Variants in HCN1 observed in about 807,000 individuals in gnomAD.
HCN1 encodes the protein hyperpolarization activated cyclic nucleotide gated potassium channel 1.
A neutral mutation model predicts 78.9 loss-of-function variants in HCN1; 13 were observed. That is an observed-to-expected ratio of 0.16 (90% CI 0.11 to 0.26). The LOEUF is 0.26. HCN1 is among the 10% of genes least tolerant of loss of function. The pLI, the probability that HCN1 is intolerant of heterozygous loss-of-function variation, is 1.00. For missense variants in HCN1, 810 were observed against 1,154.3 expected (o/e 0.70, Z 4.32); for synonymous variants, 552 against 455.5 (o/e 1.21, Z -2.70).
chr5:45,606,958 T>A (rs1345505801), intron 2 of HCN1, among the ~76,000 whole-genome samples: 1 of 151,662 alleles, frequency 6.6e-6, no homozygotes, highest in African/African-American at 2.4e-5. Context: ...TATGAGAAAT[T>A]AATAAACTAA....
intron 2 of HCN1, among the ~76,000 whole-genome samples, chr5:45,631,455 AG>A (rs1580008112): frequency 6.6e-6 from 1 of 152,174 alleles, no homozygotes; most frequent in Non-Finnish European, 1.5e-5. Flanking sequence ...GATGACAAGA[AG>A]CAGGACCGCT....
intron 5 of HCN1, among the ~76,000 whole-genome samples, chr5:45,318,906 G>A (rs1488638384): frequency 6.6e-6 from 1 of 151,946 alleles, no homozygotes; most frequent in East Asian, 1.9e-4. Flanking sequence ...CTACAGAGCA[G>A]GTCTTCTTGT....
At chr5:45,455,767 A>G (rs1299910437) in intron 3 of HCN1, among the ~76,000 whole-genome samples, 5 of 150,758 alleles carry the variant, frequency 3.3e-5, no homozygotes, top group Non-Finnish European at 4.5e-5. Flanking sequence ...ACTCAAAAAA[A>G]AAAAAAAAAA....
rs149627144 is a variant in HCN1 at position 45,535,603 on chromosome 5, A to G, written c.850-73596T>C. On this transcript the variant is annotated intron_variant, in intron 2 of 7. Coordinates refer to ENST00000303230, the MANE Select transcript of HCN1 (RefSeq NM_021072.4). ...ACAGAGCCAGACACCATTTCAAAAA[A>G]AACACAGAATGAAAGGAACAAAAAA... Among the ~76,000 whole-genome samples, 24 of 152,202 alleles carry G rather than the reference A, an allele frequency of 1.6e-4. No homozygotes were observed. The East Asian group carries it at 3.5e-3, about 22-fold the overall frequency.
At position 45,523,183 on chromosome 5, in the gene HCN1, T is replaced by C. The variant is rs189703916; in HGVS notation, c.850-61176A>G. Among the ~76,000 whole-genome samples, 95 of 152,326 alleles carry C rather than the reference T, an allele frequency of 6.2e-4. 1 individual carries two copies. The East Asian group carries it at 0.017, about 28-fold the overall frequency. ...TTCATCCATGTTCCTACAAAGGACA[T>C]GAACTCATCATTTCTTATGGCTGCG... On this transcript the variant is annotated intron_variant, in intron 2 of 7. Transcript: ENST00000303230.
intron 2 of HCN1, among the ~76,000 whole-genome samples, chr5:45,515,513 T>C (rs1166127225): frequency 1.3e-5 from 2 of 152,056 alleles, no homozygotes; most frequent in Non-Finnish European, 2.9e-5. Context: ...TTTTATTCTA[T>C]GCAAACCACT....
intron 2 of HCN1, among the ~76,000 whole-genome samples, chr5:45,464,868 C>T (rs1741236225): frequency 6.6e-6 from 1 of 152,098 alleles, no homozygotes; most frequent in Non-Finnish European, 1.5e-5. Context: ...GCTCACACAT[C>T]TGTAGATAGT....
intron 5 of HCN1, among the ~76,000 whole-genome samples, chr5:45,332,346 A>T (rs1746361966): frequency 6.6e-6 from 1 of 150,966 alleles, no homozygotes; most frequent in Non-Finnish European, 1.5e-5. Flanking sequence ...ATCCAATTAT[A>T]CTCTTTTAGT....
At chr5:45,362,544 G>A (rs976401520) in intron 4 of HCN1, among the ~76,000 whole-genome samples, 10 of 151,956 alleles carry the variant, frequency 6.6e-5, no homozygotes, top group Non-Finnish European at 1.0e-4. Flanking sequence ...TGAATGTCCA[G>A]TTACAATAAT....
chr5:45,654,583 A>T (rs1237589720), intron 1 of HCN1, among the ~76,000 whole-genome samples: 4 of 152,160 alleles, frequency 2.6e-5, no homozygotes, highest in African/African-American at 9.6e-5. Context: ...CAATTCAGTA[A>T]ACTGAGGTCT....
intron 2 of HCN1, among the ~76,000 whole-genome samples, chr5:45,570,030 A>G (rs1743792999): frequency 6.6e-6 from 1 of 152,130 alleles, no homozygotes; most frequent in African/African-American, 2.4e-5. Flanking sequence ...ATTTGTAGGT[A>G]TTTGCCAGAT....
intron 4 of HCN1, among the ~76,000 whole-genome samples, chr5:45,366,252 A>G (rs1371284932): frequency 6.6e-6 from 1 of 151,486 alleles, no homozygotes; most frequent in Non-Finnish European, 1.5e-5. Flanking sequence ...TCAATAAAAA[A>G]AGGAAATTTA....
intron 1 of HCN1, among the ~76,000 whole-genome samples, chr5:45,668,716 A>G (rs904775875): frequency 6.6e-6 from 1 of 151,926 alleles, no homozygotes; most frequent in Non-Finnish European, 1.5e-5. Flanking sequence ...ATGTTAGGAG[A>G]TAAGCAAGTG....
intron 1 of HCN1, among the ~76,000 whole-genome samples, chr5:45,659,093 G>A (rs1478224306): frequency 5.9e-5 from 9 of 152,096 alleles, no homozygotes; most frequent in Non-Finnish European, 1.0e-4. Context: ...CTCCCAGCAC[G>A]CAGCTAGAGA....
chr5:45,516,395 A>G (rs1742516862), intron 2 of HCN1, among the ~76,000 whole-genome samples: 1 of 152,000 alleles, frequency 6.6e-6, no homozygotes, highest in African/African-American at 2.4e-5. Context: ...TATTTTAAAA[A>G]GCTAACTTTT....
intron 4 of HCN1, among the ~76,000 whole-genome samples, chr5:45,374,132 A>G (rs1273716954): frequency 8.6e-6 from 1 of 116,588 alleles, no homozygotes; most frequent in Non-Finnish European, 1.7e-5. Context: ...TATAATATAT[A>G]TTATATACAT....
At chr5:45,309,456 G>A (rs869212032) in intron 5 of HCN1, among the ~76,000 whole-genome samples, 1 of 152,056 alleles carries the variant, frequency 6.6e-6, no homozygotes, top group African/African-American at 2.4e-5. Flanking sequence ...GTTTTAAAAG[G>A]GAATACTTCA....
intron 2 of HCN1, among the ~76,000 whole-genome samples, chr5:45,507,339 A>G (rs890049502): frequency 6.6e-6 from 1 of 152,132 alleles, no homozygotes; most frequent in Non-Finnish European, 1.5e-5. Flanking sequence ...CACAGTTTCC[A>G]TGCAATGCTG....
intron 1 of HCN1, among the ~76,000 whole-genome samples, chr5:45,690,780 A>C (rs1044777130): frequency 3.3e-5 from 5 of 152,080 alleles, no homozygotes; most frequent in Admixed American, 2.0e-4. Flanking sequence ...AAAATGATAA[A>C]ATGAAAATTT....
Sources: allele counts gnomAD v4.1 joint callset (sites outside exome capture counted in the v4.1 genomes callset), GRCh38; gene constraint gnomAD v4.1.1; transcripts MANE v1.5; gene names NCBI Gene and HGNC (gene_info 2026-07-23, HGNC 2026-07-21).